DNAJC2: variants seen among roughly 807,000 people sequenced by gnomAD.
DNAJC2 encodes the protein DnaJ heat shock protein family (Hsp40) member C2.
In DNAJC2, 32 loss-of-function variants were observed where a neutral mutation model predicts 94.0. The observed-to-expected ratio is 0.34, with a 90% confidence interval of 0.26 to 0.46. The LOEUF is 0.46. DNAJC2 is among the 20% of genes least tolerant of loss of function. DNAJC2 has a pLI of 1.00. For synonymous variants in DNAJC2, 210 were observed against 229.7 expected, an observed-to-expected ratio of 0.91 and a Z score of 0.77; for missense variants, 550 against 719.5, an observed-to-expected ratio of 0.76 and a Z score of 2.69.
chr7:103,325,463 C>G (rs1359206010), intron 5 of DNAJC2, among the ~76,000 whole-genome samples: 1 of 149,758 alleles, frequency 6.7e-6, no homozygotes. Context: ...AAAAAAAAAC[C>G]AAAAAACAGG....
chr7:103,341,675 A>G (rs1254927932), intron 2 of DNAJC2, 89 bp downstream of exon 2: 4 of 1,122,566 alleles, frequency 3.6e-6, no homozygotes, highest in African/African-American at 1.6e-5. Flanking sequence ...GAATCATCTT[A>G]AAACATGTTT....
rs974344556 is a variant in DNAJC2 at position 103,322,672 on chromosome 7, C to T, written c.811+31G>A. 1.9e-6 allele frequency: 3 copies of T among 1,612,902 alleles called. No individual in the cohort carries two copies. The African/African-American group carries it at 4.0e-5, about 22-fold the overall frequency. ...AGTTAATCTCATTTTGAATTTCTAA[C>T]ATTTAGGGGACTTAAATCAATTCTA... is the stretch of plus-strand genomic sequence containing the variant. On this transcript the variant is annotated intron_variant, in intron 8 of 16. Coordinates refer to ENST00000379263, the MANE Select transcript of DNAJC2 (RefSeq NM_014377.3).
chr7:103,313,337 G>T, intron 15 of DNAJC2: 1 of 1,264,938 alleles, frequency 7.9e-7, no homozygotes, highest in South Asian at 2.4e-5. Context: ...CAATAGTAAA[G>T]ATCTACCTTG....
intron 2 of DNAJC2, among the ~76,000 whole-genome samples, chr7:103,338,982 T>C (rs898402296): frequency 2.0e-5 from 3 of 152,138 alleles, no homozygotes; most frequent in African/African-American, 7.2e-5. Flanking sequence ...CCTTGATGAT[T>C]TGTATGCACA....
At chr7:103,344,146 G>C (rs760140027) in intron 1 of DNAJC2, 2 of 189,242 alleles carry the variant, frequency 1.1e-5, no homozygotes, top group Non-Finnish European at 2.2e-5. Flanking sequence ...CAAACGTAGA[G>C]AGGGAGAAAG....
At chr7:103,333,923 T>A (rs905341295) in intron 3 of DNAJC2, among the ~76,000 whole-genome samples, 24 of 152,164 alleles carry the variant, frequency 1.6e-4, no homozygotes, top group African/African-American at 5.5e-4. Flanking sequence ...TTCCAGTTTC[T>A]GGACATTGTG....
rs780688575 is a variant in DNAJC2, at chr7:103,324,505, A to C, written c.630T>G (p.Asp210Glu). Residue 210 changes from aspartate to glutamate, a missense_variant, in exon 6 of 17, where the codon GAT becomes GAG. This residue lies in a region of DNAJC2 where 279 missense variants were observed against 416.9 expected (regional missense o/e 0.67). Coordinates refer to ENST00000379263, the MANE Select transcript of DNAJC2 (RefSeq NM_014377.3). ...ACCAGAAAGAATAAAATATATCTAC[A>C]TCTTCAAATGATGAATTCATATCAC... Reference protein sequence around the residue: ...KLGDMNSSFEDVDIFYSFWYN... With the variant: ...KLGDMNSSFEEVDIFYSFWYN... 1 of 1,498,270 alleles carries C rather than the reference A, an allele frequency of 6.7e-7. No homozygotes were observed. Among genetic ancestry groups the C allele is most frequent in the South Asian group, 1.3e-5 (1 of 78,996 alleles). The allele number at this position is 1,498,270 out of a possible 1,614,324, so 92.8% of individuals were successfully genotyped here. A position where few individuals can be genotyped will look rare whatever the true frequency, so the allele number is the denominator to read the frequency against.
intron 2 of DNAJC2, among the ~76,000 whole-genome samples, chr7:103,340,626 T>C (rs991618966): frequency 2.6e-5 from 4 of 152,192 alleles, no homozygotes; most frequent in African/African-American, 9.7e-5. Flanking sequence ...AAGGTCGAAG[T>C]GCACCAAATG....
chr7:103,319,447 A>C (rs563697977), intron 12 of DNAJC2, among the ~76,000 whole-genome samples, 162 bp downstream of exon 12: 1 of 152,316 alleles, frequency 6.6e-6, no homozygotes, highest in African/African-American at 2.4e-5. Context: ...AAAACAAAAA[A>C]CCAAAAAACC....
At chr7:103,318,522 CT>C (rs1195155176) in intron 12 of DNAJC2, among the ~76,000 whole-genome samples, 1 of 152,162 alleles carries the variant, frequency 6.6e-6, no homozygotes, top group Non-Finnish European at 1.5e-5. Context: ...TATCCTACAC[CT>C]CATTTACTAT....
At position 103,314,875 on chromosome 7, in the gene DNAJC2, C is replaced by T. The variant is rs567267663; in HGVS notation, c.1636+889G>A. 1.2e-4 allele frequency among the ~76,000 whole-genome samples: 18 copies of T among 152,198 alleles called. No individual in the cohort carries two copies. The East Asian group carries it at 2.1e-3, about 18-fold the overall frequency. ...CTATTAATCCAAAAGCATCTTTCTGCGATTAGTTTAAGAAAGGATTGGTGG... is the reference window on the plus strand; with the variant it reads ...CTATTAATCCAAAAGCATCTTTCTGTGATTAGTTTAAGAAAGGATTGGTGG... On this transcript the variant is annotated intron_variant, in intron 15 of 16. Coordinates refer to ENST00000379263, the MANE Select transcript of DNAJC2 (RefSeq NM_014377.3).
At chr7:103,312,842 A>C (rs921610864) in intron 16 of DNAJC2, 105 bp downstream of exon 16, 7 of 1,525,594 alleles carry the variant, frequency 4.6e-6, no homozygotes, top group Non-Finnish European at 6.1e-6. Flanking sequence ...ACTGGTTTTG[A>C]AATAAGCACT....
intron 15 of DNAJC2, among the ~76,000 whole-genome samples, chr7:103,315,350 T>C (rs1369053202): frequency 6.6e-6 from 1 of 152,196 alleles, no homozygotes. Context: ...AGACATACTT[T>C]GAACCATAAG....
intron 12 of DNAJC2, 50 bp from the exon 13 acceptor site, chr7:103,317,064 T>G: frequency 3.4e-6 from 5 of 1,480,312 alleles, no homozygotes; most frequent in Non-Finnish European, 4.6e-6. Context: ...GTATTGCTAT[T>G]CTACACTCTC....
At chr7:103,337,665 T>A in intron 3 of DNAJC2, 71 bp downstream of exon 3, 1 of 1,226,570 alleles carries the variant, frequency 8.2e-7, no homozygotes, top group Non-Finnish European at 1.2e-6. Flanking sequence ...ATACTGTATA[T>A]CTTTTAAAAA....
At position 103,321,946 on chromosome 7, in the gene DNAJC2, G is replaced by T. The variant is rs768667928; in HGVS notation, c.1069C>A (p.Arg357=). The change falls in exon 10 of 17, where the codon CGA becomes AGA. Residue 357 remains arginine, a synonymous_variant. Coordinates refer to ENST00000379263, the MANE Select transcript of DNAJC2 (RefSeq NM_014377.3). ...GTCTGATATACCTTGCATGAGTTTC[G>T]AAGTTTTTGCCTTTCCTTCTTAATG... ...KAIKKERQKL[R]NSCKTWNHFS... 4 of 1,613,008 alleles carry T rather than the reference G, an allele frequency of 2.5e-6. No individual in the cohort carries two copies. The African/African-American group carries it at 4.0e-5, about 16-fold the overall frequency.
chr7:103,338,909 C>G (rs1205736259), intron 2 of DNAJC2, among the ~76,000 whole-genome samples: 2 of 151,178 alleles, frequency 1.3e-5, no homozygotes, highest in East Asian at 3.9e-4. Flanking sequence ...GACTCCGTCT[C>G]AAAATAAAAT....
chr7:103,341,036 G>A (rs1212175904), intron 2 of DNAJC2, among the ~76,000 whole-genome samples: 4 of 152,130 alleles, frequency 2.6e-5, no homozygotes, highest in Admixed American at 6.5e-5. Context: ...TTTGTCTTGT[G>A]CCACACAGCC....
chr7:103,343,773 G>A (rs1819483541), intron 1 of DNAJC2, among the ~76,000 whole-genome samples: 1 of 152,206 alleles, frequency 6.6e-6, no homozygotes, highest in South Asian at 2.1e-4. Context: ...GGTACTACCT[G>A]TGTAGTATGG....
Sources: gnomAD v4.1 joint callset for allele counts (sites outside exome capture counted in the v4.1 genomes callset) on GRCh38, gnomAD v4.1.1 for gene constraint, gnomAD v4.1.1 regional missense constraint, MANE v1.5 for transcripts, NCBI Gene and HGNC (gene_info 2026-07-23, HGNC 2026-07-21) for gene names.